The following ULK4 variants were observed in gnomAD, a reference collection of about 807,000 sequenced individuals.
The protein encoded by ULK4 is inactive serine/threonine-protein kinase ULK4.
A neutral mutation model predicts 160.6 loss-of-function variants in ULK4; 133 were observed. That is an observed-to-expected ratio of 0.83 (90% CI 0.72 to 0.96). ULK4 has a LOEUF of 0.96. Ranked by LOEUF, ULK4 falls within the 40% of genes least tolerant of loss-of-function variation. The pLI, the probability that ULK4 is intolerant of heterozygous loss-of-function variation, is 0.00. For synonymous variants in ULK4, 534 were observed against 539.8 expected, an observed-to-expected ratio of 0.99 and a Z score of 0.15; for missense variants, 1,580 against 1,499.5, an observed-to-expected ratio of 1.05 and a Z score of -0.89.
chr3:41,524,126 G>A (rs372277501), intron 32 of ULK4, among the ~76,000 whole-genome samples: 1 of 152,168 alleles, frequency 6.6e-6, no homozygotes, highest in East Asian at 1.9e-4. Flanking sequence ...AGGTGATTTA[G>A]GGGGATTGGT....
chr3:41,826,179 A>C (rs926604960), intron 18 of ULK4, among the ~76,000 whole-genome samples: 2 of 152,220 alleles, frequency 1.3e-5, no homozygotes, highest in Non-Finnish European at 2.9e-5. Context: ...TGGAAAGACC[A>C]ACCAGTACCA....
chr3:41,423,888 C>T (rs752432541), intron 34 of ULK4, among the ~76,000 whole-genome samples: 2 of 152,194 alleles, frequency 1.3e-5, no homozygotes, highest in Non-Finnish European at 2.9e-5. Context: ...AGAGATCCCC[C>T]TCATGAGCCA....
chr3:41,623,570 G>C (rs1438203270), intron 30 of ULK4, among the ~76,000 whole-genome samples: 1 of 152,140 alleles, frequency 6.6e-6, no homozygotes, highest in African/African-American at 2.4e-5. Context: ...GTGACGATAA[G>C]GATGAATTAT....
intron 22 of ULK4, among the ~76,000 whole-genome samples, chr3:41,736,378 G>A (rs2038049972): frequency 1.3e-5 from 2 of 151,666 alleles, no homozygotes; most frequent in African/African-American, 4.9e-5. Context: ...TTTAATGATT[G>A]CCATTCTAAC....
intron 35 of ULK4, among the ~76,000 whole-genome samples, chr3:41,371,830 G>A (rs1312650395): frequency 6.6e-6 from 1 of 151,936 alleles, no homozygotes; most frequent in East Asian, 1.9e-4. Context: ...CAGAAGGTGG[G>A]TAATAATAAA....
At chr3:41,663,817 A>G in intron 29 of ULK4, 118 bp from the exon 30 acceptor site, 1 of 816,822 alleles carries the variant, frequency 1.2e-6, no homozygotes, top group Non-Finnish European at 2.0e-6. Context: ...TTACACACTA[A>G]TAAAGATTTA....
At chr3:41,698,397 G>A (rs1371220824) in intron 27 of ULK4, among the ~76,000 whole-genome samples, 3 of 151,998 alleles carry the variant, frequency 2.0e-5, no homozygotes, top group African/African-American at 4.8e-5. Context: ...AAGTAGCTGC[G>A]ACTATAGGAT....
chr3:41,602,743 ATACTT>A (rs1371709835), intron 31 of ULK4, among the ~76,000 whole-genome samples: 3 of 152,158 alleles, frequency 2.0e-5, no homozygotes, highest in Non-Finnish European at 4.4e-5. Context: ...TAAGATTTCT[ATACTT>A]TATTTAAACT....
intron 32 of ULK4, among the ~76,000 whole-genome samples, chr3:41,466,963 TATC>T (rs1170526731): frequency 6.6e-6 from 1 of 152,176 alleles, no homozygotes; most frequent in Admixed American, 6.5e-5. Context: ...TCAATATCAC[TATC>T]ATCAGGGAAA....
chr3:41,348,206 CAAAAAA>C (rs1197234650), intron 35 of ULK4, among the ~76,000 whole-genome samples: 8 of 22,958 alleles, frequency 3.5e-4, no homozygotes, highest in Non-Finnish European at 6.9e-4. Context: ...AACTCTGTCT[CAAAAAA>C]AAAAAAAAAA....
chr3:41,849,838 G>T lies in ULK4; in HGVS notation c.1657-13867C>A, dbSNP rs533780221. On this transcript the variant is annotated intron_variant, in intron 17 of 36. Transcript: ENST00000301831. ...AAGAATTTTTATTATTATACTTTAA[G>T]CTCTAGGGTACATGTACACAACGTG... 1.2e-3 allele frequency among the ~76,000 whole-genome samples: 187 copies of T among 152,204 alleles called. 1 individual carries two copies. Among genetic ancestry groups the T allele is most frequent in the African/African-American group, 4.2e-3 (176 of 41,516 alleles).
chr3:41,962,015 C>T lies in ULK4; in HGVS notation c.-49+1G>A, dbSNP rs1280504322. The T allele has an allele frequency of 1.3e-5, 2 of 152,498 alleles. No individual in the cohort carries two copies. The highest frequency in any genetic ancestry group is 2.1e-4 in the South Asian group (1 of 4,830). 9.4% of individuals were successfully genotyped at this position (152,498 alleles called of 1,614,324 possible). ...CTACTAAAACCGCCACTGCCACGCA[C>T]CTGGTAGCTAAGTCAAGAAAAGAGT... On this transcript the variant is annotated splice_donor_variant, in intron 1 of 36. Coordinates refer to ENST00000301831, the MANE Select transcript of ULK4 (RefSeq NM_017886.4). LOFTEE classifies it low-confidence loss of function (5UTR_SPLICE).
intron 35 of ULK4, among the ~76,000 whole-genome samples, chr3:41,378,280 C>T (rs1024244895): frequency 3.7e-4 from 55 of 148,506 alleles, no homozygotes; most frequent in Middle Eastern, 7.4e-3. Context: ...TGCTAGATGA[C>T]GAGTTAGTGG....
intron 35 of ULK4, among the ~76,000 whole-genome samples, chr3:41,326,764 G>A (rs2080346330): frequency 6.6e-6 from 1 of 152,158 alleles, no homozygotes; most frequent in Admixed American, 6.5e-5. Flanking sequence ...CAAGGCTATT[G>A]AGAAATGGTC....
At chr3:41,590,340 G>A (rs2031194119) in intron 31 of ULK4, among the ~76,000 whole-genome samples, 1 of 151,464 alleles carries the variant, frequency 6.6e-6, no homozygotes, top group Non-Finnish European at 1.5e-5. Context: ...GAAGGGCCTG[G>A]TGCAGTGGCT....
intron 32 of ULK4, among the ~76,000 whole-genome samples, chr3:41,513,494 G>A (rs536123076): frequency 2.3e-4 from 35 of 152,178 alleles, no homozygotes; most frequent in African/African-American, 2.7e-4. Context: ...TTATCTGGGC[G>A]TGGTGGCGCA....
intron 31 of ULK4, among the ~76,000 whole-genome samples, chr3:41,574,569 T>C (rs1168519614): frequency 1.6e-5 from 2 of 123,266 alleles, no homozygotes; most frequent in Admixed American, 2.1e-4. Context: ...TGAGACAGAG[T>C]CTTGCTCTGC....
At chr3:41,416,115 A>G (rs1246761173) in intron 34 of ULK4, among the ~76,000 whole-genome samples, 2 of 152,200 alleles carry the variant, frequency 1.3e-5, no homozygotes, top group African/African-American at 2.4e-5. Flanking sequence ...AACAATAGGA[A>G]CACTGTGTTA....
At chr3:41,374,982 A>G (rs1042553591) in intron 35 of ULK4, among the ~76,000 whole-genome samples, 2 of 151,372 alleles carry the variant, frequency 1.3e-5, no homozygotes, top group Non-Finnish European at 2.9e-5. Context: ...AAGCATTCTT[A>G]TACACCAGTA....
Sources: gnomAD v4.1 joint callset for allele counts (sites outside exome capture counted in the v4.1 genomes callset) on GRCh38, gnomAD v4.1.1 for gene constraint, MANE v1.5 for transcripts, NCBI Gene and HGNC (gene_info 2026-07-23, HGNC 2026-07-21) for gene names.